The following PCSK6 variants were observed in gnomAD, a reference collection of about 807,000 sequenced individuals.
PCSK6 encodes the protein proprotein convertase subtilisin/kexin type 6, also known as paired basic amino acid cleaving enzyme 4.
A neutral mutation model predicts 123.3 loss-of-function variants in PCSK6; 85 were observed. That is an observed-to-expected ratio of 0.69 (90% confidence interval 0.58 to 0.83). The LOEUF is 0.83. Among genes scored for constraint, PCSK6 ranks in the 40% least tolerant of loss-of-function variants. The pLI is 0.00. For missense variants in PCSK6, 1,191 were observed against 1,282.3 expected, an observed-to-expected ratio of 0.93 and a Z score of 1.09; for synonymous variants, 508 against 516.0, an observed-to-expected ratio of 0.98 and a Z score of 0.21.
chr15:101,362,450 T>TA (rs2041259705), intron 13 of PCSK6, among the ~76,000 whole-genome samples: 1 of 152,086 alleles, frequency 6.6e-6, no homozygotes, highest in South Asian at 2.1e-4. Flanking sequence ...GTCACGGGGC[T>TA]GGATGAGATC....
At chr15:101,320,640 C>T (rs920037870) in intron 18 of PCSK6, among the ~76,000 whole-genome samples, 2 of 152,196 alleles carry the variant, frequency 1.3e-5, no homozygotes, top group Admixed American at 6.5e-5. Context: ...ATGCCCACTG[C>T]GAATGGCAGT....
rs185042600 is a variant in PCSK6, at chr15:101,365,202, G to C, written c.1858+994C>G. Among the ~76,000 whole-genome samples the C allele has an allele frequency of 2.3e-3, 350 of 152,272 alleles. 2 individuals carry two copies. Among genetic ancestry groups the C allele is most frequent in the African/African-American group, 7.9e-3 (329 of 41,558 alleles). On this transcript the variant is annotated intron_variant, in intron 13 of 21. Transcript: ENST00000611716. Reference sequence around the variant, plus strand: ...TATAACACTCTTAAAAGGAAACACAGGAGTAAATCTCTGTGACTTTGGGTT... The same window carrying C: ...TATAACACTCTTAAAAGGAAACACACGAGTAAATCTCTGTGACTTTGGGTT...
intron 6 of PCSK6, among the ~76,000 whole-genome samples, chr15:101,400,299 C>G (rs531581943): frequency 6.6e-6 from 1 of 152,326 alleles, no homozygotes; most frequent in South Asian, 2.1e-4. Flanking sequence ...CCATTAAAGA[C>G]TCTTCCAAGG....
chr15:101,322,363 G>GGACAC (rs1209250131), intron 18 of PCSK6, among the ~76,000 whole-genome samples, 157 bp downstream of exon 18: 3 of 152,178 alleles, frequency 2.0e-5, no homozygotes, highest in African/African-American at 4.8e-5. Context: ...CATCCTAAGT[G>GGACAC]GACACACGAT....
Position 101,465,222 on chromosome 15 carries a change from G to A in PCSK6, c.298-21562C>T, listed in dbSNP as rs188165891. ...CTGTCCTCACACGTTCCCCAGACTC[G>A]CATGGCCACTTGTTGCCAGGCGGCT... is the stretch of plus-strand genomic sequence containing the variant. On this transcript the variant is annotated intron_variant, in intron 1 of 21. Coordinates refer to ENST00000611716, the MANE Select transcript of PCSK6 (RefSeq NM_002570.5). Among the ~76,000 whole-genome samples, 8 of 152,326 alleles carry A rather than the reference G, an allele frequency of 5.3e-5. No individual in the cohort carries two copies. In the South Asian group the frequency reaches 6.2e-4, roughly 12 times the overall value.
intron 13 of PCSK6, among the ~76,000 whole-genome samples, chr15:101,353,455 T>C (rs1187816946): frequency 2.6e-5 from 4 of 152,024 alleles, no homozygotes; most frequent in Non-Finnish European, 5.9e-5. Flanking sequence ...CATGGACCGG[T>C]AGGTGGGATG....
At chr15:101,489,270 C>CG (rs201114579) in intron 1 of PCSK6, 104 bp downstream of exon 1, 388,489 of 752,946 alleles carry the variant, frequency 0.52, 103,595 homozygotes, top group Non-Finnish European at 0.53. Context: ...TTCCCACGCG[C>CG]GCGCGGGGCC....
chr15:101,323,161 C>T (rs1312904409), intron 17 of PCSK6, among the ~76,000 whole-genome samples: 1 of 152,222 alleles, frequency 6.6e-6, no homozygotes. Flanking sequence ...CACCATGCAC[C>T]ACTCCTAAGT....
chr15:101,459,148 T>C (rs1390096264), intron 1 of PCSK6, among the ~76,000 whole-genome samples: 6 of 152,114 alleles, frequency 3.9e-5, no homozygotes, highest in African/African-American at 1.2e-4. Flanking sequence ...CCCTATTATA[T>C]ACAAACATCT....
chr15:101,484,457 C>G (rs146186454), intron 1 of PCSK6, among the ~76,000 whole-genome samples: 2 of 152,200 alleles, frequency 1.3e-5, no homozygotes, highest in Non-Finnish European at 2.9e-5. Context: ...CTGTTCATCT[C>G]AGCTCACTGC....
At chr15:101,359,618 G>A (rs1021627885) in intron 13 of PCSK6, among the ~76,000 whole-genome samples, 1 of 152,276 alleles carries the variant, frequency 6.6e-6, no homozygotes, top group Non-Finnish European at 1.5e-5. Flanking sequence ...GCCAAGGCCA[G>A]AGCTGCTGAG....
At chr15:101,475,928 T>A (rs58180551) in intron 1 of PCSK6, among the ~76,000 whole-genome samples, 100 of 152,230 alleles carry the variant, frequency 6.6e-4, no homozygotes, top group African/African-American at 2.2e-3. Context: ...CCACACACAC[T>A]TCTGGGGGCA....
At chr15:101,362,166 C>T (rs991543088) in intron 13 of PCSK6, among the ~76,000 whole-genome samples, 3 of 152,088 alleles carry the variant, frequency 2.0e-5, no homozygotes, top group Admixed American at 1.3e-4. Flanking sequence ...CCATGTTGGC[C>T]AGGATGGTCT....
intron 1 of PCSK6, among the ~76,000 whole-genome samples, chr15:101,463,224 A>G (rs1042794025): frequency 6.6e-6 from 1 of 152,170 alleles, no homozygotes; most frequent in African/African-American, 2.4e-5. Flanking sequence ...TTGGAAACAG[A>G]AAATGGGAGA....
intron 11 of PCSK6, among the ~76,000 whole-genome samples, chr15:101,377,917 C>T (rs1042247342): frequency 1.3e-5 from 2 of 152,166 alleles, no homozygotes; most frequent in Non-Finnish European, 2.9e-5. Flanking sequence ...AAACTAAAGA[C>T]GTGCAGGTAA....
At position 101,304,026 on chromosome 15, in the gene PCSK6, G is replaced by A. The variant is rs899460655; in HGVS notation, c.*1232C>T. 6.6e-6 allele frequency: 1 copy of A among 152,510 alleles called. No homozygotes were observed. The highest frequency in any genetic ancestry group is 1.5e-5 in the Non-Finnish European group (1 of 68,018). 9.4% of individuals were successfully genotyped at this position (152,510 alleles called of 1,614,324 possible). On this transcript the variant is annotated 3_prime_UTR_variant, in exon 22 of 22. Coordinates refer to ENST00000611716, the MANE Select transcript of PCSK6 (RefSeq NM_002570.5). ...TTGTAGATTCAATAAACAACATCTGGGTTCTCTCCAGCTCACAGGTGACAA... is the reference window on the plus strand; with the variant it reads ...TTGTAGATTCAATAAACAACATCTGAGTTCTCTCCAGCTCACAGGTGACAA...
At chr15:101,380,622 A>G (rs2041888460) in intron 11 of PCSK6, among the ~76,000 whole-genome samples, 1 of 152,240 alleles carries the variant, frequency 6.6e-6, no homozygotes, top group South Asian at 2.1e-4. Context: ...TCAGTGTGCA[A>G]TTAGCCACGG....
At chr15:101,448,988 C>T (rs922604882) in intron 1 of PCSK6, among the ~76,000 whole-genome samples, 2 of 152,052 alleles carry the variant, frequency 1.3e-5, no homozygotes, top group East Asian at 3.9e-4. Context: ...GTTGTATACA[C>T]GTGTATATAC....
At chr15:101,447,910 A>T (rs1326119312) in intron 1 of PCSK6, among the ~76,000 whole-genome samples, 1 of 152,224 alleles carries the variant, frequency 6.6e-6, no homozygotes. Flanking sequence ...GGGCCCTGGC[A>T]GCCTCCTCCT....
Sources: allele counts gnomAD v4.1 joint callset (sites outside exome capture counted in the v4.1 genomes callset), GRCh38; gene constraint gnomAD v4.1.1; transcripts MANE v1.5; gene names NCBI Gene and HGNC (gene_info 2026-07-23, HGNC 2026-07-21).